RGS3: variants seen among roughly 807,000 people sequenced by gnomAD.
The protein encoded by RGS3 is regulator of G-protein signalling 3.
Under a neutral mutation model 132.6 loss-of-function variants are expected in RGS3, and 80 were observed. The ratio of observed to expected loss-of-function variants is 0.60; its 90% confidence interval spans 0.50 to 0.73. RGS3 has a LOEUF of 0.73. Among genes scored for constraint, RGS3 ranks in the 30% least tolerant of loss-of-function variants. The pLI, the probability that RGS3 is intolerant of heterozygous loss-of-function variation, is 0.00. For missense variants in RGS3, 1,382 were observed against 1,530.8 expected (o/e 0.90, Z 1.62); for synonymous variants, 598 against 620.6 (o/e 0.96, Z 0.54).
intron 19 of RGS3, among the ~76,000 whole-genome samples, chr9:113,554,293 G>A (rs12342069): frequency 6.6e-6 from 1 of 152,124 alleles, no homozygotes; most frequent in Non-Finnish European, 1.5e-5. Context: ...TTCATTATTA[G>A]TGAGGTTGAG....
At chr9:113,494,447 TATC>T (rs764668286) in intron 7 of RGS3, among the ~76,000 whole-genome samples, 1 of 152,220 alleles carries the variant, frequency 6.6e-6, no homozygotes, top group South Asian at 2.1e-4. Context: ...TAACTGATGT[TATC>T]ATTATTATTT....
chr9:113,456,336 G>A (rs2119150469), upstream of RGS3, among the ~76,000 whole-genome samples: 1 of 152,248 alleles, frequency 6.6e-6, no homozygotes, highest in East Asian at 1.9e-4. Context: ...TCTTCACTTG[G>A]ATGGCACATG....
chr9:113,569,050 G>A (rs374446708), intron 19 of RGS3, among the ~76,000 whole-genome samples: 70 of 152,356 alleles, frequency 4.6e-4, no homozygotes, highest in Non-Finnish European at 9.1e-4. Flanking sequence ...GCTCCAGATG[G>A]CCCAGGGCTT....
At chr9:113,476,214 G>A (rs1829989974) in intron 3 of RGS3, among the ~76,000 whole-genome samples, 1 of 152,216 alleles carries the variant, frequency 6.6e-6, no homozygotes, top group African/African-American at 2.4e-5. Flanking sequence ...AGCAGAGGAG[G>A]TGCGTGCTAG....
chr9:113,525,739 G>A (rs978961719), intron 17 of RGS3, among the ~76,000 whole-genome samples: 1 of 152,248 alleles, frequency 6.6e-6, no homozygotes, highest in African/African-American at 2.4e-5. Flanking sequence ...GTATCCCTGT[G>A]TAACTTGTCT....
At chr9:113,593,952 G>C in intron 21 of RGS3, 1 of 1,612,864 alleles carries the variant, frequency 6.2e-7, no homozygotes. Flanking sequence ...CAAATAGCTG[G>C]GACTGGCTTC....
At chr9:113,577,362 T>G (rs1337795668) in intron 19 of RGS3, among the ~76,000 whole-genome samples, 1 of 152,186 alleles carries the variant, frequency 6.6e-6, no homozygotes, top group Non-Finnish European at 1.5e-5. Context: ...GTCCTACTTA[T>G]TGCCAACCTC....
chr9:113,491,155 TTA>T (rs1304079041), intron 7 of RGS3, among the ~76,000 whole-genome samples: 6 of 145,046 alleles, frequency 4.1e-5, no homozygotes, highest in African/African-American at 7.5e-5. Context: ...TATTTATATA[TTA>T]TATATATTCT....
chr9:113,460,165 G>C (rs1829442756), upstream of RGS3: 1 of 1,144,136 alleles, frequency 8.7e-7, no homozygotes, highest in Non-Finnish European at 1.1e-6. Flanking sequence ...CAAGGCTTTG[G>C]TCTTATTGTT....
chr9:113,462,998 C>T (rs890643005), intron 3 of RGS3, among the ~76,000 whole-genome samples: 13 of 152,220 alleles, frequency 8.5e-5, no homozygotes, highest in South Asian at 8.3e-4. Flanking sequence ...AGCAGCAAAG[C>T]AGGGTTTGAC....
chr9:113,515,453 A>C (rs2119371716), intron 15 of RGS3, among the ~76,000 whole-genome samples: 1 of 152,090 alleles, frequency 6.6e-6, no homozygotes, highest in East Asian at 1.9e-4. Context: ...CAAGATAAAA[A>C]CCCCATCTCT....
intron 10 of RGS3, among the ~76,000 whole-genome samples, chr9:113,498,684 G>A (rs979047504): frequency 2.2e-4 from 34 of 152,296 alleles, no homozygotes; most frequent in African/African-American, 7.5e-4. Flanking sequence ...GGAGGCCGAG[G>A]TGGGCGGATC....
chr9:113,562,445 C>T (rs1377684463), intron 19 of RGS3, among the ~76,000 whole-genome samples: 1 of 147,638 alleles, frequency 6.8e-6, no homozygotes, highest in Non-Finnish European at 1.5e-5. Flanking sequence ...CCACTGCACT[C>T]CAGCCTGGGT....
At chr9:113,481,312 A>G (rs1312422177) in intron 4 of RGS3, among the ~76,000 whole-genome samples, 1 of 152,212 alleles carries the variant, frequency 6.6e-6, no homozygotes. Context: ...TGCAATGAGG[A>G]CAGGGACTGG....
chr9:113,575,310 G>A (rs977711665), intron 19 of RGS3, among the ~76,000 whole-genome samples: 6 of 152,152 alleles, frequency 3.9e-5, no homozygotes, highest in African/African-American at 1.4e-4. Flanking sequence ...GAGTCCCTGC[G>A]CGGGGGTGAG....
chr9:113,485,573 G>T, intron 6 of RGS3, 52 bp from the exon 5 acceptor site: 1 of 1,440,998 alleles, frequency 6.9e-7, no homozygotes, highest in South Asian at 1.2e-5. Context: ...AGTCAGCTAT[G>T]GCCTGGAGCT....
chr9:113,538,406 C>T (rs940786462), intron 19 of RGS3, among the ~76,000 whole-genome samples: 9 of 152,220 alleles, frequency 5.9e-5, no homozygotes, highest in African/African-American at 1.2e-4. Context: ...TCTGGGACGT[C>T]GAATGGCTGA....
At chr9:113,450,486 T>C (rs932808837) in intron 1 of RGS3, among the ~76,000 whole-genome samples, 6 of 152,062 alleles carry the variant, frequency 3.9e-5, no homozygotes, top group Non-Finnish European at 8.8e-5. Flanking sequence ...TAGAAAGATA[T>C]GGAAGCAGAC....
exon 20 of RGS3, chr9:113,584,046 T>G (rs757981399): frequency 1.2e-6 from 2 of 1,612,932 alleles, no homozygotes; most frequent in African/African-American, 2.7e-5. Flanking sequence ...GCTCGGGAGA[T>G]GAGGAGGATG....
Sources: gnomAD v4.1 joint callset for allele counts (sites outside exome capture counted in the v4.1 genomes callset) on GRCh38, gnomAD v4.1.1 for gene constraint, MANE v1.5 for transcripts, NCBI Gene and HGNC (gene_info 2026-07-23, HGNC 2026-07-21) for gene names.